UGT1A8: variants seen among roughly 807,000 people sequenced by gnomAD.
The protein encoded by UGT1A8 is UDP-glucuronosyltransferase 1A8.
In UGT1A8, 39 loss-of-function variants were observed where a neutral mutation model predicts 45.3. The observed-to-expected ratio is 0.86, with a 90% CI of 0.67 to 1.12. The LOEUF (loss-of-function observed/expected upper bound fraction) is 1.12. UGT1A8 is among the 50% of genes most tolerant of loss of function. The probability of loss-of-function intolerance (pLI) is 0.00; values close to 1 mark genes in which losing one functional copy is unlikely to be tolerated. For synonymous variants in UGT1A8, 275 were observed against 249.2 expected (o/e 1.10, Z -0.97); for missense variants, 719 against 664.9 (o/e 1.08, Z -0.90).
chr2:233,772,113 TA>T, intron 4 of UGT1A8, 148 bp from the exon 5 acceptor site: 2 of 1,529,488 alleles, frequency 1.3e-6, no homozygotes, highest in South Asian at 2.5e-5. Flanking sequence ...ACTCTGTATC[TA>T]AAAACAACAA....
At chr2:233,688,572 T>C (rs2074901486) in intron 1 of UGT1A8, among the ~76,000 whole-genome samples, 1 of 152,172 alleles carries the variant, frequency 6.6e-6, no homozygotes, top group African/African-American at 2.4e-5. Context: ...CAAACATGAG[T>C]TCATCTTGTT....
chr2:233,664,704 C>A (rs781466445), intron 1 of UGT1A8, among the ~76,000 whole-genome samples: 2 of 152,184 alleles, frequency 1.3e-5, no homozygotes, highest in Non-Finnish European at 2.9e-5. Context: ...GGGATCCACC[C>A]CCATGATCCA....
intron 1 of UGT1A8, among the ~76,000 whole-genome samples, chr2:233,638,732 T>C (rs2073370842): frequency 6.6e-6 from 1 of 152,226 alleles, no homozygotes; most frequent in Non-Finnish European, 1.5e-5. Context: ...CAGTAGACTT[T>C]GTAACACAGT....
chr2:233,698,146 C>A (rs2075427609), intron 1 of UGT1A8, among the ~76,000 whole-genome samples: 1 of 152,142 alleles, frequency 6.6e-6, no homozygotes, highest in Non-Finnish European at 1.5e-5. Flanking sequence ...CAACTGTATT[C>A]CCAGCATGTC....
rs1400065654 is a variant in UGT1A8 at position 233,732,845 on chromosome 2, G to C, written c.856-34189G>C. 4.2e-5 allele frequency among the ~76,000 whole-genome samples: 5 copies of C among 119,428 alleles called. No individual in the cohort carries two copies. The East Asian group carries it at 1.3e-3, about 30-fold the overall frequency. 78.3% of individuals were successfully genotyped at this position (119,428 alleles called of 152,430 possible). A position where few individuals can be genotyped will look rare whatever the true frequency, so the allele number is the denominator to read the frequency against. On this transcript the variant is annotated intron_variant, in intron 1 of 4. Coordinates refer to ENST00000373450, the MANE Select transcript of UGT1A8 (RefSeq NM_019076.5). ...CTTTAAAGTAGTTTTTTCCAATTTTGTGAAGTCATTGGTAGCTTGATGGGT... is the reference window on the plus strand; with the variant it reads ...CTTTAAAGTAGTTTTTTCCAATTTTCTGAAGTCATTGGTAGCTTGATGGGT...
At chr2:233,677,323 G>C (rs552269750) in intron 1 of UGT1A8, among the ~76,000 whole-genome samples, 1 of 151,982 alleles carries the variant, frequency 6.6e-6, no homozygotes, top group Non-Finnish European at 1.5e-5. Flanking sequence ...AGTGTTCATT[G>C]CTAGTATAGT....
chr2:233,701,928 A>G (rs1360011790), intron 1 of UGT1A8, among the ~76,000 whole-genome samples: 1 of 152,208 alleles, frequency 6.6e-6, no homozygotes, highest in Non-Finnish European at 1.5e-5. Flanking sequence ...CATCACAATT[A>G]AAAGAACTAG....
chr2:233,626,191 C>CAATA (rs2073081579), intron 1 of UGT1A8, among the ~76,000 whole-genome samples: 1 of 151,994 alleles, frequency 6.6e-6, no homozygotes, highest in African/African-American at 2.4e-5. Context: ...CAGTACTAAT[C>CAATA]CTTCTTCCCC....
intron 1 of UGT1A8, chr2:233,756,428 T>G (rs1464459350): frequency 6.6e-6 from 1 of 152,242 alleles, no homozygotes; most frequent in Non-Finnish European, 1.5e-5. Flanking sequence ...TACTGTTTTT[T>G]TTTCATTGTT....
chr2:233,747,949 T>G lies in UGT1A8; in HGVS notation c.856-19085T>G. ...CTTTTTCAGAGGGAGGTGTCAGTGG[T>G]GGATCTTCTCAGCCATGCATCTGTG... is the stretch of plus-strand genomic sequence containing the variant. On this transcript the variant is annotated intron_variant, in intron 1 of 4. Transcript: ENST00000373450. 2.5e-6 allele frequency: 4 copies of G among 1,613,408 alleles called. No individual in the cohort carries two copies. In the South Asian group the frequency reaches 4.4e-5, roughly 18 times the overall value.
chr2:233,743,432 G>A (rs779473501), intron 1 of UGT1A8: 7 of 1,356,042 alleles, frequency 5.2e-6, no homozygotes, highest in South Asian at 2.3e-5. Flanking sequence ...CCAAAGGAAC[G>A]AAATCCTGTA....
intron 1 of UGT1A8, chr2:233,672,214 G>A (rs1017051585): frequency 6.2e-7 from 1 of 1,614,172 alleles, no homozygotes; most frequent in South Asian, 1.1e-5. Flanking sequence ...CAAGGCTTTT[G>A]CCCATGCTCA....
chr2:233,642,867 A>G (rs141119227), intron 1 of UGT1A8, among the ~76,000 whole-genome samples: 2,483 of 152,140 alleles, frequency 0.016, 36 homozygotes, highest in Middle Eastern at 0.048. Context: ...CCAAAAATAC[A>G]GAGTCTCTCT....
In UGT1A8 at chr2:233,743,883, G is replaced by A. The variant is rs373345166; in HGVS notation, c.856-23151G>A. 1.0e-5 allele frequency: 14 copies of A among 1,366,944 alleles called. No individual in the cohort carries two copies. In the East Asian group the frequency reaches 1.4e-4, roughly 13 times the overall value. 84.7% of individuals were successfully genotyped at this position (1,366,944 alleles called of 1,614,324 possible). On this transcript the variant is annotated intron_variant, in intron 1 of 4. Transcript: ENST00000373450. ...TTGATGGCCTCGGATGAGGCCTGCC[G>A]GGGCACGTCCAGCACCTCGTAGTAG...
chr2:233,647,711 G>A (rs1181319937), intron 1 of UGT1A8, among the ~76,000 whole-genome samples: 1 of 152,166 alleles, frequency 6.6e-6, no homozygotes, highest in African/African-American at 2.4e-5. Flanking sequence ...TTTAATACCT[G>A]TAGAATTTAT....
intron 1 of UGT1A8, among the ~76,000 whole-genome samples, chr2:233,759,718 G>C (rs914055324): frequency 2.0e-5 from 3 of 151,782 alleles, no homozygotes; most frequent in African/African-American, 7.3e-5. Context: ...TCGTGTGGTG[G>C]GCTCTGCTGC....
chr2:233,692,931 G>A lies in UGT1A8; in HGVS notation c.856-74103G>A. 7 of 1,584,824 alleles carry A rather than the reference G, an allele frequency of 4.4e-6. No individual in the cohort carries two copies. In the South Asian group the frequency reaches 7.2e-5, roughly 16 times the overall value. ...TGTGAAAAGCAGTGGTTAGTTTAGG[G>A]AAAATACCTAGGAGCCCTGTGATTT... On this transcript the variant is annotated intron_variant, in intron 1 of 4. Coordinates refer to ENST00000373450, the MANE Select transcript of UGT1A8 (RefSeq NM_019076.5).
intron 1 of UGT1A8, chr2:233,722,202 A>C (rs1295907588): frequency 1.9e-5 from 3 of 154,218 alleles, no homozygotes; most frequent in Admixed American, 6.5e-5. Context: ...TACTGAGTGC[A>C]TGAAAGATCA....
intron 1 of UGT1A8, among the ~76,000 whole-genome samples, chr2:233,724,647 T>G (rs1247687172): frequency 2.2e-5 from 3 of 137,376 alleles, no homozygotes; most frequent in East Asian, 2.4e-4. Flanking sequence ...TGATGGCGGC[T>G]GGGAAGAGGC....
Sources: allele counts gnomAD v4.1 joint callset (sites outside exome capture counted in the v4.1 genomes callset), GRCh38; gene constraint gnomAD v4.1.1; transcripts MANE v1.5; gene names NCBI Gene and HGNC (gene_info 2026-07-23, HGNC 2026-07-21).